Variants in CALN1 observed in about 807,000 individuals in gnomAD.
CALN1 encodes the protein calcium-binding protein 8.
CALN1 carries 17 observed loss-of-function variants against 30.6 expected under a neutral mutation model. The observed-to-expected ratio is 0.56, with a 90% CI of 0.38 to 0.83. The LOEUF (loss-of-function observed/expected upper bound fraction) is 0.83. Ranked by LOEUF, CALN1 falls within the 40% of genes least tolerant of loss-of-function variation. The pLI is 0.00. For synonymous variants in CALN1, 156 were observed against 131.4 expected (o/e 1.19, Z -1.28); for missense variants, 291 against 354.9 (o/e 0.82, Z 1.45).
rs1317810208 is a variant in CALN1, at chr7:72,119,610, T to C, written c.245-13316A>G. 2.7e-5 allele frequency among the ~76,000 whole-genome samples: 4 copies of C among 149,246 alleles called. No individual in the cohort carries two copies. The East Asian group carries it at 8.2e-4, about 31-fold the overall frequency. On this transcript the variant is annotated intron_variant, in intron 3 of 6. Coordinates refer to ENST00000395275, the MANE Select transcript of CALN1 (RefSeq NM_031468.4). Reference sequence around the variant, plus strand: ...GACATACCCAAGACTGGGTAATTTATAAAGAAAAAGGGGTTTAATGGACTC... The same window carrying C: ...GACATACCCAAGACTGGGTAATTTACAAAGAAAAAGGGGTTTAATGGACTC...
intron 1 of CALN1, among the ~76,000 whole-genome samples, chr7:72,408,565 G>A (rs528072317): frequency 4.6e-5 from 7 of 151,536 alleles, no homozygotes; most frequent in Non-Finnish European, 8.8e-5. Context: ...TGGTCATCAT[G>A]GATAATTTTT....
intron 4 of CALN1, among the ~76,000 whole-genome samples, chr7:72,065,243 T>C (rs1447008514): frequency 1.3e-5 from 2 of 151,976 alleles, no homozygotes; most frequent in Non-Finnish European, 2.9e-5. Context: ...CAATGCATCA[T>C]GGCCAGCAAT....
chr7:71,900,207 AAAAG>A (rs1318944170), intron 5 of CALN1, among the ~76,000 whole-genome samples: 1 of 152,220 alleles, frequency 6.6e-6, no homozygotes, highest in African/African-American at 2.4e-5. Context: ...AGGTCATAGA[AAAAG>A]AAAATGCAAA....
chr7:72,025,772 A>C (rs1250061829), intron 4 of CALN1, among the ~76,000 whole-genome samples: 1 of 152,186 alleles, frequency 6.6e-6, no homozygotes, highest in Non-Finnish European at 1.5e-5. Flanking sequence ...AAATGCCCAC[A>C]CATAAATCAA....
chr7:71,810,547 G>C, intron 5 of CALN1, 55 bp from the exon 6 acceptor site: 1 of 1,580,426 alleles, frequency 6.3e-7, no homozygotes, highest in Non-Finnish European at 8.6e-7. Context: ...TGGGAAGTTG[G>C]CTCGGGCCAT....
intron 4 of CALN1, among the ~76,000 whole-genome samples, chr7:72,057,876 A>T (rs915124811): frequency 6.6e-6 from 1 of 152,184 alleles, no homozygotes; most frequent in Non-Finnish European, 1.5e-5. Context: ...CTCTTTTTCA[A>T]GTCTTCAAGC....
intron 5 of CALN1, among the ~76,000 whole-genome samples, chr7:71,950,294 T>C (rs1396860138): frequency 1.3e-5 from 2 of 152,096 alleles, no homozygotes; most frequent in African/African-American, 4.8e-5. Flanking sequence ...AACTCCATCA[T>C]TTTACAGGTG....
intron 3 of CALN1, among the ~76,000 whole-genome samples, chr7:72,267,065 G>A (rs1207071915): frequency 6.6e-6 from 1 of 152,300 alleles, no homozygotes; most frequent in Admixed American, 6.5e-5. Flanking sequence ...CTGGAGGAGA[G>A]AACTTTGAGC....
intron 3 of CALN1, among the ~76,000 whole-genome samples, chr7:72,270,164 G>A (rs1034669376): frequency 6.6e-6 from 1 of 151,786 alleles, no homozygotes; most frequent in African/African-American, 2.4e-5. Flanking sequence ...GCTGAAAAAT[G>A]TTAAAAAGTA....
At chr7:72,095,351 C>T (rs1806148742) in intron 4 of CALN1, among the ~76,000 whole-genome samples, 1 of 152,098 alleles carries the variant, frequency 6.6e-6, no homozygotes, top group Non-Finnish European at 1.5e-5. Flanking sequence ...GTGAGCATTA[C>T]ACAAGTGTTA....
At chr7:72,015,974 C>A (rs967766230) in intron 5 of CALN1, among the ~76,000 whole-genome samples, 4 of 152,132 alleles carry the variant, frequency 2.6e-5, no homozygotes, top group Admixed American at 2.6e-4. Flanking sequence ...AGAGGCCAGG[C>A]ACGGTGGCTC....
intron 3 of CALN1, among the ~76,000 whole-genome samples, chr7:72,205,551 A>AAAATATATACATAT: frequency 7.2e-5 from 6 of 83,044 alleles, no homozygotes; most frequent in African/African-American, 3.7e-4. Flanking sequence ...GCAAAAAAAA[A>AAAATATATACATAT]ATATATATAT....
intron 5 of CALN1, among the ~76,000 whole-genome samples, chr7:71,923,931 A>G (rs1431477951): frequency 6.6e-6 from 1 of 152,058 alleles, no homozygotes; most frequent in Admixed American, 6.6e-5. Context: ...AGTGGCTCAC[A>G]CTTGTAATTC....
intron 1 of CALN1, among the ~76,000 whole-genome samples, chr7:72,410,308 C>A (rs1032367844): frequency 6.6e-6 from 1 of 152,110 alleles, no homozygotes; most frequent in Non-Finnish European, 1.5e-5. Context: ...GATTGTTGGC[C>A]ATCATTTTGA....
At chr7:72,177,752 G>GGAAA (rs397729652) in intron 3 of CALN1, among the ~76,000 whole-genome samples, 3 of 132,162 alleles carry the variant, frequency 2.3e-5, no homozygotes, top group Non-Finnish European at 3.2e-5. Context: ...GCGACAGAGG[G>GGAAA]AAAAAAAAAA....
chr7:72,209,611 CAT>C (rs1792243849), intron 3 of CALN1, among the ~76,000 whole-genome samples: 1 of 151,764 alleles, frequency 6.6e-6, no homozygotes, highest in Admixed American at 6.6e-5. Flanking sequence ...TATTCACAGA[CAT>C]GTGTATCACT....
At chr7:72,285,075 T>C (rs1367059850) in intron 2 of CALN1, among the ~76,000 whole-genome samples, 2 of 152,174 alleles carry the variant, frequency 1.3e-5, no homozygotes, top group East Asian at 1.9e-4. Context: ...GCAAATTGCA[T>C]AGCATTTGTT....
chr7:72,409,309 T>C (rs991005043), intron 1 of CALN1, among the ~76,000 whole-genome samples: 2 of 151,838 alleles, frequency 1.3e-5, no homozygotes, highest in African/African-American at 4.8e-5. Context: ...TACTCTTAAA[T>C]GGACCTCTGT....
At chr7:72,188,107 C>A (rs562422083) in intron 3 of CALN1, among the ~76,000 whole-genome samples, 11 of 152,256 alleles carry the variant, frequency 7.2e-5, no homozygotes, top group African/African-American at 2.6e-4. Flanking sequence ...TTTGATCCAG[C>A]AATCCCACTA....
Sources: gnomAD v4.1 joint callset for allele counts (sites outside exome capture counted in the v4.1 genomes callset) on GRCh38, gnomAD v4.1.1 for gene constraint, MANE v1.5 for transcripts, NCBI Gene and HGNC (gene_info 2026-07-23, HGNC 2026-07-21) for gene names.